The following PTPRD variants were observed in gnomAD, a reference collection of about 807,000 sequenced individuals.
PTPRD encodes the protein receptor-type tyrosine-protein phosphatase delta.
A neutral mutation model predicts 214.5 loss-of-function variants in PTPRD; 34 were observed. That is an observed-to-expected ratio of 0.16 (90% CI 0.12 to 0.21). The LOEUF (loss-of-function observed/expected upper bound fraction) is 0.21. Ranked by LOEUF, PTPRD falls within the 10% of genes least tolerant of loss-of-function variation. The pLI is 1.00. For synonymous variants in PTPRD, 1,128 were observed against 845.7 expected (o/e 1.33, Z -5.79); for missense variants, 2,545 against 2,398.7 (o/e 1.06, Z -1.27).
chr9:9,670,288 T>A (rs1008878828), intron 7 of PTPRD, among the ~76,000 whole-genome samples: 3 of 152,178 alleles, frequency 2.0e-5, no homozygotes, highest in Admixed American at 6.5e-5. Flanking sequence ...TTATGGTATC[T>A]GGCAGAAGTA....
At chr9:9,718,789 G>A (rs1004076077) in intron 7 of PTPRD, among the ~76,000 whole-genome samples, 3 of 152,320 alleles carry the variant, frequency 2.0e-5, no homozygotes, top group African/African-American at 7.2e-5. Context: ...TGCTTCTGAG[G>A]CTAAAACTTT....
chr9:9,750,035 T>C (rs533486930), intron 6 of PTPRD, among the ~76,000 whole-genome samples: 3 of 152,136 alleles, frequency 2.0e-5, no homozygotes, highest in Non-Finnish European at 4.4e-5. Context: ...GGTATTTTAA[T>C]TGAAAACAAC....
intron 9 of PTPRD, among the ~76,000 whole-genome samples, chr9:9,213,657 C>CA (rs1464333983): frequency 6.6e-6 from 1 of 152,088 alleles, no homozygotes; most frequent in Non-Finnish European, 1.5e-5. Flanking sequence ...ACACATTATG[C>CA]AAAAGGCACA....
At chr9:9,140,631 T>G (rs1337064018) in intron 10 of PTPRD, among the ~76,000 whole-genome samples, 1 of 152,190 alleles carries the variant, frequency 6.6e-6, no homozygotes, top group Non-Finnish European at 1.5e-5. Context: ...CAGGCTGGAG[T>G]GCAGAGGCGC....
At chr9:8,590,775 A>G (rs1196710142) in intron 14 of PTPRD, among the ~76,000 whole-genome samples, 1 of 152,200 alleles carries the variant, frequency 6.6e-6, no homozygotes, top group East Asian at 1.9e-4. Flanking sequence ...ACCAAACAGA[A>G]TAGTTCTGTC....
chr9:8,596,769 G>A (rs2094498462), intron 14 of PTPRD, among the ~76,000 whole-genome samples: 2 of 152,024 alleles, frequency 1.3e-5, no homozygotes, highest in African/African-American at 4.8e-5. Context: ...CCTTATCTAA[G>A]CTAGGCAACA....
chr9:10,056,181 CA>C (rs1192051654), intron 3 of PTPRD, among the ~76,000 whole-genome samples: 1 of 151,796 alleles, frequency 6.6e-6, no homozygotes, highest in Admixed American at 6.6e-5. Context: ...ATTAGGTAGA[CA>C]TGGTGGCATG....
chr9:10,586,223 G>A (rs964991238), intron 2 of PTPRD, among the ~76,000 whole-genome samples: 3 of 151,894 alleles, frequency 2.0e-5, no homozygotes, highest in African/African-American at 4.8e-5. Context: ...GACTCAATAC[G>A]AGCAAATAAT....
At chr9:9,600,439 G>T (rs1053301225) in intron 7 of PTPRD, among the ~76,000 whole-genome samples, 1 of 137,578 alleles carries the variant, frequency 7.3e-6, no homozygotes, top group Non-Finnish European at 1.6e-5. Context: ...ATTAGCCCCC[G>T]TTTTAAGGTT....
intron 9 of PTPRD, among the ~76,000 whole-genome samples, chr9:9,208,078 G>C (rs2132640150): frequency 8.5e-6 from 1 of 118,298 alleles, no homozygotes; most frequent in South Asian, 2.8e-4. Context: ...GGAGTGCAGT[G>C]GTGCGATCTC....
chr9:8,602,492 G>T (rs1264521151), intron 14 of PTPRD, among the ~76,000 whole-genome samples: 1 of 152,160 alleles, frequency 6.6e-6, no homozygotes, highest in African/African-American at 2.4e-5. Flanking sequence ...ATGAGATGAT[G>T]AATTCCCTAA....
At chr9:8,414,059 T>C (rs539349425) in intron 35 of PTPRD, among the ~76,000 whole-genome samples, 2 of 152,274 alleles carry the variant, frequency 1.3e-5, no homozygotes, top group African/African-American at 4.8e-5. Flanking sequence ...ATTTGTGGAA[T>C]GAATAGCTAA....
chr9:8,329,001 T>C (rs1375784644), intron 44 of PTPRD, among the ~76,000 whole-genome samples: 1 of 152,188 alleles, frequency 6.6e-6, no homozygotes, highest in Non-Finnish European at 1.5e-5. Context: ...AGGAGTTTGT[T>C]ATTACCCACG....
intron 3 of PTPRD, among the ~76,000 whole-genome samples, chr9:10,134,359 A>G (rs1408875970): frequency 6.6e-6 from 1 of 152,188 alleles, no homozygotes; most frequent in Non-Finnish European, 1.5e-5. Context: ...CCTAAGGCCC[A>G]TGAATGAACT....
intron 10 of PTPRD, among the ~76,000 whole-genome samples, chr9:9,158,148 T>A (rs1021768323): frequency 3.3e-5 from 5 of 152,192 alleles, no homozygotes; most frequent in Non-Finnish European, 7.3e-5. Context: ...TTCCACGACT[T>A]TGCTGTTGTA....
intron 3 of PTPRD, among the ~76,000 whole-genome samples, chr9:10,292,227 C>T (rs1186652738): frequency 6.6e-6 from 1 of 151,988 alleles, no homozygotes; most frequent in Non-Finnish European, 1.5e-5. Context: ...ATTTTTCTCT[C>T]ACACTTCACC....
intron 4 of PTPRD, among the ~76,000 whole-genome samples, chr9:10,004,471 T>C (rs1403781253): frequency 6.6e-6 from 1 of 151,958 alleles, no homozygotes; most frequent in Non-Finnish European, 1.5e-5. Context: ...TTTTCTTTTC[T>C]TTTCACATAA....
At chr9:9,555,669 G>A (rs563430141) in intron 8 of PTPRD, among the ~76,000 whole-genome samples, 13 of 152,102 alleles carry the variant, frequency 8.5e-5, no homozygotes, top group African/African-American at 2.4e-4. Flanking sequence ...AAGAAACCAC[G>A]TTTGGCATTT....
At chr9:9,450,756 G>GT (rs796713702) in intron 8 of PTPRD, among the ~76,000 whole-genome samples, 25 of 137,970 alleles carry the variant, frequency 1.8e-4, no homozygotes, top group African/African-American at 6.3e-4. Context: ...TATGGGGGGG[G>GT]GTGTGTGTGT....
Sources: allele counts gnomAD v4.1 joint callset (sites outside exome capture counted in the v4.1 genomes callset), GRCh38; gene constraint gnomAD v4.1.1; transcripts MANE v1.5; gene names NCBI Gene and HGNC (gene_info 2026-07-23, HGNC 2026-07-21).